The following SH3GL3 variants were observed in gnomAD, a reference collection of about 807,000 sequenced individuals.
SH3GL3 encodes endophilin-A3.
SH3GL3 carries 33 observed loss-of-function variants against 47.7 expected under a neutral mutation model. The observed-to-expected ratio is 0.69, with a 90% CI of 0.52 to 0.92. The LOEUF is 0.92. SH3GL3 is among the 40% of genes least tolerant of loss of function. The pLI is 0.00. For synonymous variants in SH3GL3, 155 were observed against 148.8 expected (o/e 1.04, Z -0.30); for missense variants, 363 against 417.8 (o/e 0.87, Z 1.14).
chr15:83,607,349 G>A (rs1230498784), intron 8 of SH3GL3, among the ~76,000 whole-genome samples: 1 of 152,190 alleles, frequency 6.6e-6, no homozygotes, highest in African/African-American at 2.4e-5. Flanking sequence ...CCATCCAGAG[G>A]ACTCTGAGTC....
At chr15:83,468,763 G>A (rs1365774715) in intron 1 of SH3GL3, among the ~76,000 whole-genome samples, 3 of 148,606 alleles carry the variant, frequency 2.0e-5, no homozygotes, top group Non-Finnish European at 3.0e-5. Flanking sequence ...TATTTTTTTG[G>A]TGTCTATATC....
chr15:83,628,941 C>T, the SH3GL3 span, among the ~76,000 whole-genome samples: 1 of 151,882 alleles, frequency 6.6e-6, no homozygotes, highest in African/African-American at 2.4e-5. Flanking sequence ...TTCTATGTAC[C>T]AGGAACAATT....
At chr15:83,574,775 G>A (rs1452728453) in intron 5 of SH3GL3, among the ~76,000 whole-genome samples, 9 of 152,260 alleles carry the variant, frequency 5.9e-5, no homozygotes, top group East Asian at 3.9e-4. Context: ...CCCTGGTGAC[G>A]TTTTGCTTTG....
intron 6 of SH3GL3, among the ~76,000 whole-genome samples, chr15:83,580,070 G>A (rs966168828): frequency 1.3e-5 from 2 of 152,172 alleles, no homozygotes; most frequent in African/African-American, 4.8e-5. Context: ...CCTGTGTTTG[G>A]CCCATCTCCA....
intron 1 of SH3GL3, among the ~76,000 whole-genome samples, chr15:83,527,644 G>A (rs2043483267): frequency 6.6e-6 from 1 of 152,026 alleles, no homozygotes; most frequent in African/African-American, 2.4e-5. Flanking sequence ...GCATATAGTT[G>A]GCTAATGTTT....
chr15:83,620,677 C>T (rs2060913215), downstream of SH3GL3, among the ~76,000 whole-genome samples: 2 of 152,196 alleles, frequency 1.3e-5, no homozygotes, highest in African/African-American at 4.8e-5. Flanking sequence ...ACAAGCAGAG[C>T]AGATTTAGCA....
Position 83,576,572 on chromosome 15 carries a change from T to A in SH3GL3, c.466-11T>A. The A allele has an allele frequency of 6.3e-7, 1 of 1,595,524 alleles. No individual in the cohort carries two copies. Among genetic ancestry groups the A allele is most frequent in the Non-Finnish European group, 8.5e-7 (1 of 1,174,372 alleles). On this transcript the variant is annotated splice_polypyrimidine_tract_variant and intron_variant, in intron 5 of 8. Transcript: ENST00000427482. ...AGCACCTCTCTGAGGGACTCCATTC[T>A]CTTTTTTTAGCATCACCTGAAAAAG... is the stretch of plus-strand genomic sequence containing the variant.
intron 8 of SH3GL3, among the ~76,000 whole-genome samples, chr15:83,610,980 A>AATATATAT (rs10665431): frequency 1.9e-3 from 275 of 147,036 alleles, no homozygotes; most frequent in Middle Eastern, 0.014. Flanking sequence ...TCAGCCAAAA[A>AATATATAT]ATATATATAT....
At chr15:83,621,544 C>G (rs1227358275), downstream of SH3GL3, among the ~76,000 whole-genome samples, 1 of 152,024 alleles carries the variant, frequency 6.6e-6, no homozygotes, top group East Asian at 1.9e-4. Flanking sequence ...ATAGTAACAT[C>G]AAAGATCACT....
chr15:83,457,182 C>A (rs754894805), intron 1 of SH3GL3, among the ~76,000 whole-genome samples: 6 of 152,176 alleles, frequency 3.9e-5, no homozygotes, highest in Non-Finnish European at 7.3e-5. Context: ...CATTTCTGGA[C>A]CTTCTTGTCT....
intron 2 of SH3GL3, 112 bp from the exon 3 acceptor site, chr15:83,565,022 C>A (rs140175336): frequency 2.8e-5 from 15 of 534,338 alleles, no homozygotes; most frequent in Non-Finnish European, 3.6e-5. Flanking sequence ...GGATTAAAAT[C>A]ATCATAATCG....
At chr15:83,466,115 T>C (rs1429034456) in intron 1 of SH3GL3, among the ~76,000 whole-genome samples, 1 of 152,206 alleles carries the variant, frequency 6.6e-6, no homozygotes, top group African/African-American at 2.4e-5. Flanking sequence ...AGGAATATTA[T>C]ATAAATGGAA....
At position 83,588,716 on chromosome 15, in the gene SH3GL3, A is replaced by G; in HGVS notation, c.783A>G (p.Lys261=). 6.2e-7 allele frequency: 1 copy of G among 1,613,536 alleles called. No individual in the cohort carries two copies. Among genetic ancestry groups the G allele is most frequent in the Non-Finnish European group, 8.5e-7 (1 of 1,179,414 alleles). The change falls in exon 8 of 9, where the codon AAA becomes AAG. Residue 261 remains lysine (K), a synonymous_variant. Transcript: ENST00000427482. ...GAGAATACAAGCCAAGGCCTGTGAA[A>G]AGGAGTTCTAGTGAGCTCAATGGAG... ...PRREYKPRPV[K]RSSSELNGVS...
intron 8 of SH3GL3, among the ~76,000 whole-genome samples, chr15:83,594,117 C>G (rs1440787770): frequency 1.3e-5 from 2 of 152,130 alleles, no homozygotes; most frequent in African/African-American, 4.8e-5. Flanking sequence ...CTAGGCCTGG[C>G]CTTCATAGAT....
chr15:83,495,640 G>A (rs1369538092), intron 1 of SH3GL3, among the ~76,000 whole-genome samples: 2 of 152,174 alleles, frequency 1.3e-5, no homozygotes, highest in Non-Finnish European at 2.9e-5. Context: ...GGGAGGCTGA[G>A]GCAGGAGAAT....
chr15:83,500,861 C>T (rs1385048913), intron 1 of SH3GL3, among the ~76,000 whole-genome samples: 1 of 152,208 alleles, frequency 6.6e-6, no homozygotes, highest in African/African-American at 2.4e-5. Context: ...GCTCTCTTTC[C>T]TCACTCTTAC....
intron 8 of SH3GL3, among the ~76,000 whole-genome samples, chr15:83,589,676 C>T (rs546367095): frequency 4.6e-5 from 7 of 152,218 alleles, no homozygotes; most frequent in African/African-American, 1.4e-4. Context: ...TGTACCCAGC[C>T]TTTTTTCTGT....
At chr15:83,546,848 A>G (rs558983944) in intron 1 of SH3GL3, among the ~76,000 whole-genome samples, 1 of 152,270 alleles carries the variant, frequency 6.6e-6, no homozygotes, top group East Asian at 1.9e-4. Flanking sequence ...GTTGTCTGGA[A>G]GCTATGGCCT....
intron 8 of SH3GL3, among the ~76,000 whole-genome samples, chr15:83,595,249 G>A (rs1458239570): frequency 2.6e-5 from 4 of 152,142 alleles, no homozygotes; most frequent in African/African-American, 9.7e-5. Flanking sequence ...ACTAACTCAG[G>A]AACAGAAAAC....
Sources: allele counts gnomAD v4.1 joint callset (sites outside exome capture counted in the v4.1 genomes callset), GRCh38; gene constraint gnomAD v4.1.1; transcripts MANE v1.5; gene names NCBI Gene and HGNC (gene_info 2026-07-23, HGNC 2026-07-21).